The following PINX1 variants were observed in gnomAD, a reference collection of about 807,000 sequenced individuals.
PINX1 encodes PIN2/TERF1-interacting telomerase inhibitor 1.
Under a neutral mutation model 25.4 loss-of-function variants are expected in PINX1, and 34 were observed. The ratio of observed to expected loss-of-function variants is 1.34; its 90% CI spans 1.02 to 1.78. PINX1 has a LOEUF of 1.78. Ranked by LOEUF, PINX1 falls within the 40% of genes most tolerant of loss-of-function variation. The pLI, the probability that PINX1 is intolerant of heterozygous loss-of-function variation, is 0.00. For missense variants in PINX1, 592 were observed against 404.9 expected (o/e 1.46, Z -3.97); for synonymous variants, 197 against 147.7 (o/e 1.33, Z -2.42).
chr8:10,831,487 T>C (rs6991499), intron 4 of PINX1, among the ~76,000 whole-genome samples, 178 bp downstream of exon 4: 66,125 of 152,172 alleles, frequency 0.43, 16,158 homozygotes, highest in African/African-American at 0.66. Flanking sequence ...ATATATATGC[T>C]AATTACGTTG....
chr8:10,805,092 G>A (rs950152613), intron 6 of PINX1, among the ~76,000 whole-genome samples: 1 of 152,146 alleles, frequency 6.6e-6, no homozygotes, highest in Non-Finnish European at 1.5e-5. Flanking sequence ...TTATTACTAA[G>A]AAAGGCAAAT....
At position 10,783,773 on chromosome 8, in the gene PINX1, T is replaced by C. The variant is rs1801664671; in HGVS notation, c.472-17857A>G. Among the ~76,000 whole-genome samples, 4 of 152,330 alleles carry C rather than the reference T, an allele frequency of 2.6e-5. No homozygotes were observed. The South Asian group carries it at 6.2e-4, about 24-fold the overall frequency. ...GGAGAGGGAAACAGGAAGAAAATGATTAAAGTACTATTACTCAGAACTATG... is the reference window on the plus strand; with the variant it reads ...GGAGAGGGAAACAGGAAGAAAATGACTAAAGTACTATTACTCAGAACTATG... On this transcript the variant is annotated intron_variant, in intron 6 of 6. Transcript: ENST00000314787.
At chr8:10,768,998 TAAAAA>T (rs994436452) in intron 6 of PINX1, among the ~76,000 whole-genome samples, 2 of 151,704 alleles carry the variant, frequency 1.3e-5, no homozygotes, top group African/African-American at 4.8e-5. Context: ...AAAAATAAAA[TAAAAA>T]AAAATTTAAA....
chr8:10,810,912 G>A (rs1274929525), intron 6 of PINX1, among the ~76,000 whole-genome samples: 3 of 152,218 alleles, frequency 2.0e-5, no homozygotes, highest in Non-Finnish European at 2.9e-5. Context: ...CAATGACCCT[G>A]TTCACTCAGT....
intron 6 of PINX1, among the ~76,000 whole-genome samples, chr8:10,804,928 A>C (rs1802391718): frequency 6.6e-6 from 1 of 151,896 alleles, no homozygotes; most frequent in South Asian, 2.1e-4. Context: ...TTAATCAAAA[A>C]CTCAAGAAGG....
At chr8:10,776,595 GAATC>G (rs1199445300) in intron 6 of PINX1, among the ~76,000 whole-genome samples, 2 of 152,082 alleles carry the variant, frequency 1.3e-5, no homozygotes, top group African/African-American at 2.4e-5. Flanking sequence ...TGGTAACACA[GAATC>G]AAAACTGAAC....
intron 6 of PINX1, among the ~76,000 whole-genome samples, chr8:10,798,047 A>AC (rs1314214498): frequency 1.3e-5 from 2 of 152,248 alleles, no homozygotes; most frequent in Admixed American, 1.3e-4. Flanking sequence ...AGTAACAGCT[A>AC]CACTAGAAGT....
intron 5 of PINX1, among the ~76,000 whole-genome samples, chr8:10,823,105 T>C (rs969020035): frequency 1.3e-5 from 2 of 152,196 alleles, no homozygotes; most frequent in Non-Finnish European, 2.9e-5. Context: ...CTACCTGATA[T>C]TTATTTAAAT....
At chr8:10,818,583 G>T (rs1797771284) in intron 6 of PINX1, among the ~76,000 whole-genome samples, 1 of 152,180 alleles carries the variant, frequency 6.6e-6, no homozygotes. Flanking sequence ...GAGGGCAAAG[G>T]CTGGGGGTGG....
At chr8:10,808,521 CT>C (rs1395610644) in intron 6 of PINX1, among the ~76,000 whole-genome samples, 1 of 152,180 alleles carries the variant, frequency 6.6e-6, no homozygotes, top group African/African-American at 2.4e-5. Flanking sequence ...TTAATGTGAT[CT>C]CATTTAATTC....
In PINX1 at chr8:10,807,317, T is replaced by TCCC. The variant is rs1184898113; in HGVS notation, c.471+12873_471+12875dup. Among the ~76,000 whole-genome samples the TCCC allele has an allele frequency of 2.1e-3, 83 of 39,720 alleles. 2 individuals are homozygous for TCCC. Among genetic ancestry groups the TCCC allele is most frequent in the East Asian group, 2.6e-3 (1 of 382 alleles). 26.1% of individuals were successfully genotyped at this position (39,720 alleles called of 152,430 possible). On this transcript the variant is annotated intron_variant, in intron 6 of 6. Coordinates refer to ENST00000314787, the MANE Select transcript of PINX1 (RefSeq NM_017884.6). ...GGTTGGAAAATAAAAATCAAGAAAA[T>TCCC]CCCCCCCCCACCCCCCCCCCCACCA...
intron 6 of PINX1, among the ~76,000 whole-genome samples, chr8:10,796,544 T>C (rs183332858): frequency 6.6e-6 from 1 of 152,276 alleles, no homozygotes; most frequent in East Asian, 1.9e-4. Context: ...CTGTTCTCTT[T>C]GTTTAGTTCT....
intron 1 of PINX1, among the ~76,000 whole-genome samples, chr8:10,838,852 T>C (rs1798483855): frequency 1.3e-5 from 2 of 152,240 alleles, no homozygotes; most frequent in South Asian, 4.1e-4. Flanking sequence ...TTTCTGCCCC[T>C]GTAAAATCGG....
intron 6 of PINX1, among the ~76,000 whole-genome samples, chr8:10,792,107 A>C (rs1192665629): frequency 1.3e-5 from 2 of 152,160 alleles, no homozygotes; most frequent in East Asian, 3.9e-4. Context: ...CTCTGGATAA[A>C]GGTCCAGCTA....
rs989910261 is a variant in PINX1 at position 10,839,824 on chromosome 8, T to A, written c.-68A>T. ...TGCGGCCACTGGGCGGGCTGGAGACTCCAGGAGAATCAGGACGTGCGTAAC... is the reference window on the plus strand; with the variant it reads ...TGCGGCCACTGGGCGGGCTGGAGACACCAGGAGAATCAGGACGTGCGTAAC... On this transcript the variant is annotated 5_prime_UTR_variant, in exon 1 of 7. Transcript: ENST00000314787. 6.1e-6 allele frequency: 9 copies of A among 1,478,330 alleles called. No individual in the cohort carries two copies. The highest frequency in any genetic ancestry group is 4.9e-5 in the East Asian group (2 of 41,100). 91.6% of individuals were successfully genotyped at this position (1,478,330 alleles called of 1,614,324 possible).
rs767016129 is a variant in PINX1 at position 10,765,668 on chromosome 8, G to A, written c.720C>T (p.Pro240=). 12 of 1,613,808 alleles carry A rather than the reference G, an allele frequency of 7.4e-6. No individual in the cohort carries two copies. The highest frequency in any genetic ancestry group is 2.7e-5 in the African/African-American group (2 of 74,908). ...CTCGCTCCTGGGCCTCGGCCCTCTCGGGCTTTCCCTCCGTGTGCCTCTTGG... is the reference window on the plus strand; with the variant it reads ...CTCGCTCCTGGGCCTCGGCCCTCTCAGGCTTTCCCTCCGTGTGCCTCTTGG... The part of the protein sequence containing the change: ...PKAKRHTEGK[P]ERAEAQERVA... Residue 240 remains proline (P), a synonymous_variant, in exon 7 of 7, where the codon CCC becomes CCT. Transcript: ENST00000314787.
At chr8:10,828,667 G>C (rs1021890931) in intron 4 of PINX1, among the ~76,000 whole-genome samples, 1 of 152,186 alleles carries the variant, frequency 6.6e-6, no homozygotes, top group Non-Finnish European at 1.5e-5. Flanking sequence ...CGTGAGCACC[G>C]CCAGGCCTTG....
chr8:10,782,243 T>G lies in PINX1; in HGVS notation c.472-16327A>C, dbSNP rs1801608123. Among the ~76,000 whole-genome samples the G allele has an allele frequency of 2.0e-5, 3 of 152,222 alleles. No individual in the cohort carries two copies. In the South Asian group the frequency reaches 6.2e-4, roughly 32 times the overall value. ...GGTGTGTAGGTCCCCACACTGTACC[T>G]TAGCTCTCTGCACTTCAGATCTAAG... is the stretch of plus-strand genomic sequence containing the variant. On this transcript the variant is annotated intron_variant, in intron 6 of 6. Transcript: ENST00000314787.
At chr8:10,795,291 C>A (rs990597120) in intron 6 of PINX1, among the ~76,000 whole-genome samples, 1 of 152,186 alleles carries the variant, frequency 6.6e-6, no homozygotes, top group African/African-American at 2.4e-5. Context: ...GCTTGGCTTG[C>A]TCCCAGGCTG....
Sources: gnomAD v4.1 joint callset for allele counts (sites outside exome capture counted in the v4.1 genomes callset) on GRCh38, gnomAD v4.1.1 for gene constraint, MANE v1.5 for transcripts, NCBI Gene and HGNC (gene_info 2026-07-23, HGNC 2026-07-21) for gene names.